Variants in NECTIN3 observed in about 807,000 individuals in gnomAD.
The protein encoded by NECTIN3 is nectin cell adhesion molecule 3, also known as nectin-3.
NECTIN3 carries 8 observed loss-of-function variants against 49.4 expected under a neutral mutation model. The ratio of observed to expected loss-of-function variants is 0.16; its 90% CI spans 0.10 to 0.29. The LOEUF is 0.29. Among genes scored for constraint, NECTIN3 ranks in the 10% least tolerant of loss-of-function variants. NECTIN3 has a pLI of 1.00. For synonymous variants in NECTIN3, 277 were observed against 241.1 expected, an observed-to-expected ratio of 1.15 and a Z score of -1.38; for missense variants, 581 against 654.6, an observed-to-expected ratio of 0.89 and a Z score of 1.23.
At chr3:111,191,482 G>A (rs1265478420), upstream of NECTIN3, among the ~76,000 whole-genome samples, 1 of 151,874 alleles carries the variant, frequency 6.6e-6, no homozygotes, top group African/African-American at 2.4e-5. Flanking sequence ...TGAAAGAGGT[G>A]ATATTTGAAC....
At chr3:111,096,981 C>G (rs2032623522) in intron 1 of NECTIN3, among the ~76,000 whole-genome samples, 1 of 152,160 alleles carries the variant, frequency 6.6e-6, no homozygotes. Flanking sequence ...GAGAAGAGGG[C>G]CACTGTCCTC....
intron 6 of NECTIN3, chr3:111,145,147 A>G (rs1576160299): frequency 1.6e-6 from 2 of 1,215,652 alleles, no homozygotes; most frequent in East Asian, 5.1e-5. Flanking sequence ...AGTAAGGATA[A>G]TGTTAGGCCT....
chr3:111,141,152 G>A (rs1413039108), downstream of NECTIN3, among the ~76,000 whole-genome samples: 2 of 151,842 alleles, frequency 1.3e-5, no homozygotes, highest in African/African-American at 4.8e-5. Context: ...AGACATAAAT[G>A]TTCATGTGGA....
intron 1 of NECTIN3, among the ~76,000 whole-genome samples, chr3:111,092,315 ATC>A (rs1467930594): frequency 1.4e-4 from 21 of 152,098 alleles, no homozygotes; most frequent in Non-Finnish European, 5.9e-5. Flanking sequence ...AAAATACACT[ATC>A]TGTTTTTTAT....
At chr3:111,105,737 AC>A (rs1413359076) in intron 1 of NECTIN3, among the ~76,000 whole-genome samples, 7 of 152,116 alleles carry the variant, frequency 4.6e-5, no homozygotes, top group Non-Finnish European at 8.8e-5. Context: ...TTTGGATATA[AC>A]TCAAAGACTG....
intron 7 of NECTIN3, among the ~76,000 whole-genome samples, chr3:111,153,108 G>T (rs1477438185): frequency 1.3e-5 from 2 of 151,780 alleles, no homozygotes; most frequent in Non-Finnish European, 2.9e-5. Flanking sequence ...TGACTGAGTG[G>T]ATTATTCAAA....
At chr3:111,182,854 G>A (rs909571841) in intron 7 of NECTIN3, among the ~76,000 whole-genome samples, 5 of 151,702 alleles carry the variant, frequency 3.3e-5, no homozygotes, top group East Asian at 1.9e-4. Flanking sequence ...TTATTGCTGT[G>A]GTTCAGCTTA....
At chr3:111,169,079 CTTTTTTTTTTTT>C (rs142606359) in intron 7 of NECTIN3, among the ~76,000 whole-genome samples, 42 of 104,134 alleles carry the variant, frequency 4.0e-4, no homozygotes, top group African/African-American at 1.7e-3. Context: ...ACTATTCAAA[CTTTTTTTTTTTT>C]TTTTTTTTTT....
At chr3:111,149,309 C>T (rs1236307454) in intron 7 of NECTIN3, among the ~76,000 whole-genome samples, 1 of 151,970 alleles carries the variant, frequency 6.6e-6, no homozygotes, top group African/African-American at 2.4e-5. Context: ...TTTTTCTTGA[C>T]TTTTCTTTTC....
intron 2 of NECTIN3, among the ~76,000 whole-genome samples, chr3:111,114,826 T>G (rs1422869804): frequency 6.6e-6 from 1 of 151,792 alleles, no homozygotes; most frequent in Non-Finnish European, 1.5e-5. Context: ...TAACTGCAAA[T>G]AGAGAATAGA....
intron 1 of NECTIN3, among the ~76,000 whole-genome samples, chr3:111,095,756 A>C (rs1372592085): frequency 2.6e-5 from 4 of 152,164 alleles, no homozygotes; most frequent in Non-Finnish European, 5.9e-5. Context: ...GTTTCCTTGC[A>C]CAAGCCCTCT....
At chr3:111,122,718 C>G (rs1035079233) in intron 4 of NECTIN3, among the ~76,000 whole-genome samples, 5 of 152,180 alleles carry the variant, frequency 3.3e-5, no homozygotes, top group East Asian at 1.9e-4. Context: ...TTTCTCTTGT[C>G]TATAGCCATT....
chr3:111,127,731 T>G (rs1297272097), intron 5 of NECTIN3, among the ~76,000 whole-genome samples: 1 of 151,872 alleles, frequency 6.6e-6, no homozygotes, highest in Admixed American at 6.6e-5. Flanking sequence ...GCCCAGCTAA[T>G]TTTTGTATTT....
At chr3:111,098,598 A>ATT (rs2107413495) in intron 1 of NECTIN3, among the ~76,000 whole-genome samples, 1 of 152,298 alleles carries the variant, frequency 6.6e-6, no homozygotes, top group East Asian at 1.9e-4. Context: ...CTACCTGGAT[A>ATT]ATCCAGTGTC....
At chr3:111,160,451 G>A (rs2035186643) in intron 7 of NECTIN3, among the ~76,000 whole-genome samples, 1 of 152,100 alleles carries the variant, frequency 6.6e-6, no homozygotes, top group African/African-American at 2.4e-5. Context: ...GGAAACCAAA[G>A]TGATAAGACT....
At chr3:111,191,533 A>C (rs890759141), upstream of NECTIN3, among the ~76,000 whole-genome samples, 1 of 152,058 alleles carries the variant, frequency 6.6e-6, no homozygotes, top group East Asian at 1.9e-4. Context: ...AAGCCGAGGA[A>C]AACTGAAAAA....
Position 111,149,021 on chromosome 3 carries a change from C to T in NECTIN3, c.1221+1537C>T, listed in dbSNP as rs78356682. Reference sequence around the variant, plus strand: ...GTTTATATTTCATTTTAATCTGAAACTTTATTAAACTTGATAAAGAGGTAG... The same window carrying T: ...GTTTATATTTCATTTTAATCTGAAATTTTATTAAACTTGATAAAGAGGTAG... On this transcript the variant is annotated intron_variant, in intron 7 of 8. Transcript: ENST00000493615. Among the ~76,000 whole-genome samples, 3,051 of 152,070 alleles carry T rather than the reference C, an allele frequency of 0.02. 187 individuals are homozygous for T. The East Asian group carries it at 0.24, about 12-fold the overall frequency.
intron 5 of NECTIN3, chr3:111,144,878 C>G: frequency 6.6e-7 from 1 of 1,517,986 alleles, no homozygotes; most frequent in South Asian, 1.2e-5. Flanking sequence ...TTTGAAAAGC[C>G]TAATTTTTGT....
chr3:111,139,444 G>C (rs774828779), downstream of NECTIN3, among the ~76,000 whole-genome samples: 21 of 151,676 alleles, frequency 1.4e-4, no homozygotes, highest in Non-Finnish European at 2.7e-4. Flanking sequence ...ACATGCCTCT[G>C]TATTTTCTGT....
Sources: allele counts gnomAD v4.1 joint callset (sites outside exome capture counted in the v4.1 genomes callset), GRCh38; gene constraint gnomAD v4.1.1; transcripts MANE v1.5; gene names NCBI Gene and HGNC (gene_info 2026-07-23, HGNC 2026-07-21).